The following FLT3 variants were observed in gnomAD, a reference collection of about 807,000 sequenced individuals.
The protein encoded by FLT3 is fms related receptor tyrosine kinase 3.
FLT3 carries 46 observed loss-of-function variants against 126.6 expected under a neutral mutation model. That is an observed-to-expected ratio of 0.36 (90% CI 0.29 to 0.46). The LOEUF (loss-of-function observed/expected upper bound fraction) is 0.46. FLT3 is among the 20% of genes least tolerant of loss of function. FLT3 has a pLI of 1.00. For missense variants in FLT3, 1,069 were observed against 1,190.3 expected, an observed-to-expected ratio of 0.90 and a Z score of 1.50; for synonymous variants, 404 against 434.4, an observed-to-expected ratio of 0.93 and a Z score of 0.87.
intron 23 of FLT3, among the ~76,000 whole-genome samples, chr13:28,010,112 T>C (rs901350309): frequency 6.6e-6 from 1 of 152,180 alleles, no homozygotes; most frequent in Non-Finnish European, 1.5e-5. Flanking sequence ...ATGCTCTCTT[T>C]TTCTTTCTCA....
Position 28,003,908 on chromosome 13 carries a change from C to T in FLT3, c.*144G>A, listed in dbSNP as rs1357808768. 2.3e-5 allele frequency: 21 copies of T among 914,206 alleles called. No individual in the cohort carries two copies. The highest frequency in any genetic ancestry group is 3.0e-5 in the Non-Finnish European group (18 of 600,292). 56.6% of individuals were successfully genotyped at this position (914,206 alleles called of 1,614,324 possible). ...AAGTCCCTTTGAAAACAAGAGTAAA[C>T]GCAGACAGCTTCTAGAGAAAAGTCT... is the stretch of plus-strand genomic sequence containing the variant. On this transcript the variant is annotated 3_prime_UTR_variant, in exon 24 of 24. Coordinates refer to ENST00000241453, the MANE Select transcript of FLT3 (RefSeq NM_004119.3).
Position 28,100,278 on chromosome 13 carries a change from CGGGGCCGCA to C in FLT3, c.43+181_43+189del, listed in dbSNP as rs1268125228. 1.3e-5 allele frequency among the ~76,000 whole-genome samples: 2 copies of C among 152,030 alleles called. No homozygotes were observed. The highest frequency in any genetic ancestry group is 2.9e-5 in the Non-Finnish European group (2 of 67,992). On this transcript the variant is annotated intron_variant, in intron 1 of 23. Coordinates refer to ENST00000241453, the MANE Select transcript of FLT3 (RefSeq NM_004119.3). This position sits in a 1 kb window ranked among gnomAD's most constrained non-coding sequence, Gnocchi z 4.8. The stretch of plus-strand genomic sequence containing the variant: ...GAAGAGGACGCGGGGTGGGAAACGC[CGGGGCCGCA>C]GGCAAGTAGTGGGCGAGTCCGGAGG...
intron 1 of FLT3, among the ~76,000 whole-genome samples, chr13:28,091,931 G>A (rs141862094): frequency 0.039 from 5,998 of 152,082 alleles, 146 homozygotes; most frequent in Non-Finnish European, 0.06. Flanking sequence ...TTAGCCAGGC[G>A]TGGTGGACAG....
intron 23 of FLT3, among the ~76,000 whole-genome samples, chr13:28,013,989 G>C (rs773248155): frequency 1.4e-4 from 22 of 152,068 alleles, no homozygotes; most frequent in Non-Finnish European, 2.5e-4. Flanking sequence ...ATATGTCTTA[G>C]GGCAGGCAGA....
intron 4 of FLT3, among the ~76,000 whole-genome samples, chr13:28,054,077 T>C (rs2137746198): frequency 6.6e-6 from 1 of 152,304 alleles, no homozygotes; most frequent in Non-Finnish European, 1.5e-5. Flanking sequence ...GAGGCATGTG[T>C]ATAACAGTTT....
chr13:28,034,496 C>A, intron 12 of FLT3, 89 bp from the exon 13 acceptor site: 1 of 922,182 alleles, frequency 1.1e-6, no homozygotes, highest in East Asian at 2.5e-5. Flanking sequence ...CTCTCACATC[C>A]TGTTTCAGTA....
At chr13:28,086,450 A>ACAT (rs1314194910) in intron 1 of FLT3, among the ~76,000 whole-genome samples, 1 of 152,212 alleles carries the variant, frequency 6.6e-6, no homozygotes, top group Non-Finnish European at 1.5e-5. Flanking sequence ...ACCCCACAAG[A>ACAT]CATTATTATT....
intron 12 of FLT3, 71 bp from the exon 13 acceptor site, chr13:28,034,478 A>T: frequency 9.3e-7 from 1 of 1,080,094 alleles, no homozygotes; most frequent in Non-Finnish European, 1.4e-6. Context: ...TGGACAACTC[A>T]TTATAATCTC....
At chr13:28,020,765 C>T (rs930626326) in intron 19 of FLT3, among the ~76,000 whole-genome samples, 1 of 152,112 alleles carries the variant, frequency 6.6e-6, no homozygotes, top group Non-Finnish European at 1.5e-5. Flanking sequence ...TAGTACAGTG[C>T]TTGGCATGTA....
At chr13:28,015,786 T>C in intron 20 of FLT3, 85 bp from the exon 21 acceptor site, 1 of 808,572 alleles carries the variant, frequency 1.2e-6, no homozygotes, top group Non-Finnish European at 2.1e-6. Context: ...ATGAAATGCA[T>C]CATCTTCCTA....
chr13:28,015,458 C>A, intron 21 of FLT3, 132 bp downstream of exon 21: 1 of 626,172 alleles, frequency 1.6e-6, no homozygotes, highest in East Asian at 2.9e-5. Context: ...AGGACACCAG[C>A]AAATAAACAT....
At chr13:28,039,469 G>A (rs1156749961) in intron 9 of FLT3, among the ~76,000 whole-genome samples, 2 of 151,846 alleles carry the variant, frequency 1.3e-5, no homozygotes, top group African/African-American at 2.4e-5. Flanking sequence ...CCAAAGTGCC[G>A]GGATGAATTA....
chr13:28,027,151 G>A lies in FLT3; in HGVS notation c.2144C>T (p.Thr715Ile), dbSNP rs2137651897. Residue 715 changes from threonine (T) to isoleucine (I), a missense_variant, in exon 17 of 24, where the codon ACA becomes ATA. Physicochemically the swap from Thr to Ile is moderately conservative, Grantham distance 89 (BLOSUM62 -1). Transcript: ENST00000241453. ...SKREKFHRTW[T>I]EIFKEHNFSF... ...GAAATTGTGTTCCTTGAAAATCTCT[G>A]TCCAAGTCCTGTGAAATTTTTCTCT... 1 of 1,613,506 alleles carries A rather than the reference G, an allele frequency of 6.2e-7. No homozygotes were observed. The highest frequency in any genetic ancestry group is 1.1e-5 in the South Asian group (1 of 91,068).
chr13:28,061,524 T>A (rs1196398295), intron 3 of FLT3, among the ~76,000 whole-genome samples: 1 of 151,986 alleles, frequency 6.6e-6, no homozygotes, highest in Non-Finnish European at 1.5e-5. Context: ...CCGGTACTTT[T>A]GAAGGCTGAG....
In FLT3 at chr13:28,031,225, C is replaced by T. The variant is rs1873308499; in HGVS notation, c.1942+2662G>A. 2.6e-5 allele frequency among the ~76,000 whole-genome samples: 4 copies of T among 151,306 alleles called. No homozygotes were observed. In the South Asian group the frequency reaches 8.3e-4, roughly 32 times the overall value. On this transcript the variant is annotated intron_variant, in intron 15 of 23. Coordinates refer to ENST00000241453, the MANE Select transcript of FLT3 (RefSeq NM_004119.3). ...CCTGGGCGACAGAGTGAGACTCCGT[C>T]TCAAAAAAAGAAGAAAAAATGCAAC...
chr13:28,067,323 C>T (rs1877125518), intron 2 of FLT3, among the ~76,000 whole-genome samples: 1 of 152,076 alleles, frequency 6.6e-6, no homozygotes, highest in South Asian at 2.1e-4. Context: ...GTGCCCAGCC[C>T]CTGTAAAAAG....
In FLT3 at chr13:28,037,532, C is replaced by T. The variant is rs2504233; in HGVS notation, c.1206-244G>A. 0.99 allele frequency among the ~76,000 whole-genome samples: 151,317 copies of T among 152,326 alleles called. 75,165 individuals are homozygous for T. Among genetic ancestry groups the T allele is most frequent in the East Asian group, 1 (5,192 of 5,192 alleles). On this transcript the variant is annotated intron_variant, in intron 9 of 23. Coordinates refer to ENST00000241453, the MANE Select transcript of FLT3 (RefSeq NM_004119.3). ...ACAATTGCAAGATTTCAGGTCCCTT[C>T]CAAATCACTGACTCAGAATCTGCAT...
At chr13:28,059,039 C>CA (rs1450383269) in intron 3 of FLT3, among the ~76,000 whole-genome samples, 3 of 152,038 alleles carry the variant, frequency 2.0e-5, no homozygotes, top group Non-Finnish European at 4.4e-5. Context: ...CATTTGCAGC[C>CA]AAAAAACAAG....
intron 9 of FLT3, among the ~76,000 whole-genome samples, chr13:28,046,144 A>T (rs1874857238): frequency 6.6e-6 from 1 of 152,134 alleles, no homozygotes; most frequent in Non-Finnish European, 1.5e-5. Context: ...CACTGTTGAC[A>T]AACCCTGAGT....
Sources: allele counts gnomAD v4.1 joint callset (sites outside exome capture counted in the v4.1 genomes callset), GRCh38; gene constraint gnomAD v4.1.1; non-coding constraint Gnocchi (gnomAD v3.1); transcripts MANE v1.5; gene names NCBI Gene and HGNC (gene_info 2026-07-23, HGNC 2026-07-21).